The following THSD7B variants were observed in gnomAD, a reference collection of about 807,000 sequenced individuals.
THSD7B encodes the protein thrombospondin type-1 domain-containing protein 7B.
Under a neutral mutation model 213.6 loss-of-function variants are expected in THSD7B, and 138 were observed. That is an observed-to-expected ratio of 0.65 (90% CI 0.56 to 0.74). The LOEUF is 0.74. Ranked by LOEUF, THSD7B falls within the 30% of genes least tolerant of loss-of-function variation. The pLI is 0.00. For synonymous variants in THSD7B, 742 were observed against 687.0 expected, an observed-to-expected ratio of 1.08 and a Z score of -1.25; for missense variants, 1,931 against 1,991.5, an observed-to-expected ratio of 0.97 and a Z score of 0.58.
chr2:136,927,244 C>G lies in THSD7B; in HGVS notation c.139+44927C>G, dbSNP rs113116648. On this transcript the variant is annotated intron_variant, in intron 2 of 27. Coordinates refer to ENST00000409968, the MANE Select transcript of THSD7B (RefSeq NM_001316349.2). ...TTCTCTTTCTCTCCCTCCCGTTTTT[C>G]CCTTATCTCTACATAATTAACTTGT... is the stretch of plus-strand genomic sequence containing the variant. Among the ~76,000 whole-genome samples, 1,095 of 149,566 alleles carry G rather than the reference C, an allele frequency of 7.3e-3. 14 individuals are homozygous for G. Among genetic ancestry groups the G allele is most frequent in the African/African-American group, 0.025 (1,022 of 40,792 alleles).
At chr2:137,208,628 C>T (rs1350412092) in intron 7 of THSD7B, among the ~76,000 whole-genome samples, 1 of 151,988 alleles carries the variant, frequency 6.6e-6, no homozygotes, top group Non-Finnish European at 1.5e-5. Flanking sequence ...TCCTCAAAGG[C>T]TCAGAGGTAG....
chr2:137,439,177 A>AT (rs887357250), intron 14 of THSD7B, among the ~76,000 whole-genome samples: 1 of 152,094 alleles, frequency 6.6e-6, no homozygotes, highest in Non-Finnish European at 1.5e-5. Context: ...TGAAAGAATA[A>AT]TTTTTTCTTT....
intron 2 of THSD7B, among the ~76,000 whole-genome samples, chr2:136,896,970 G>A (rs1683970725): frequency 6.6e-6 from 1 of 150,942 alleles, no homozygotes; most frequent in Non-Finnish European, 1.5e-5. Flanking sequence ...TTTTAAGACA[G>A]GGTCTCACTA....
At chr2:137,318,523 C>G (rs529162531) in intron 12 of THSD7B, among the ~76,000 whole-genome samples, 3 of 152,070 alleles carry the variant, frequency 2.0e-5, no homozygotes, top group Admixed American at 6.5e-5. Context: ...TACCCTCACT[C>G]CCCCGCCCCC....
At chr2:136,985,041 G>T (rs1685647581) in intron 2 of THSD7B, among the ~76,000 whole-genome samples, 1 of 152,118 alleles carries the variant, frequency 6.6e-6, no homozygotes, top group South Asian at 2.1e-4. Context: ...GAAGTGACAT[G>T]CCCGCATCTA....
chr2:137,552,919 C>A (rs915769642), intron 15 of THSD7B, among the ~76,000 whole-genome samples: 2 of 152,140 alleles, frequency 1.3e-5, no homozygotes, highest in Non-Finnish European at 2.9e-5. Flanking sequence ...AAAGCCTGGA[C>A]ACCTATAGAA....
At chr2:137,176,172 G>A (rs1355962876) in intron 7 of THSD7B, among the ~76,000 whole-genome samples, 1 of 152,064 alleles carries the variant, frequency 6.6e-6, no homozygotes, top group African/African-American at 2.4e-5. Flanking sequence ...TTCCTTCAGT[G>A]AATCAACCTA....
chr2:137,315,169 C>T (rs1241005244), intron 12 of THSD7B, among the ~76,000 whole-genome samples: 2 of 152,200 alleles, frequency 1.3e-5, no homozygotes, highest in Non-Finnish European at 2.9e-5. Context: ...ACTCCGTGGG[C>T]GTAGGACCCT....
At chr2:137,601,518 G>A (rs943947351) in intron 17 of THSD7B, among the ~76,000 whole-genome samples, 1 of 152,156 alleles carries the variant, frequency 6.6e-6, no homozygotes, top group African/African-American at 2.4e-5. Context: ...TAGCCTAGGT[G>A]TGTACCAGGC....
At chr2:136,824,433 A>T (rs573902576) in intron 1 of THSD7B, among the ~76,000 whole-genome samples, 1 of 152,184 alleles carries the variant, frequency 6.6e-6, no homozygotes, top group African/African-American at 2.4e-5. Context: ...TAGGAAGCTC[A>T]GTTTTGGATG....
chr2:137,097,314 T>C (rs1022846179), intron 4 of THSD7B, among the ~76,000 whole-genome samples: 5 of 152,202 alleles, frequency 3.3e-5, no homozygotes, highest in African/African-American at 1.2e-4. Flanking sequence ...ACATCTATGT[T>C]TGTTAAACAA....
intron 2 of THSD7B, among the ~76,000 whole-genome samples, chr2:136,980,467 G>C (rs1020236886): frequency 1.3e-5 from 2 of 152,150 alleles, no homozygotes; most frequent in African/African-American, 4.8e-5. Context: ...CCTGCAGGGA[G>C]GCCCCACCCC....
chr2:137,554,431 T>C (rs1680910378), intron 15 of THSD7B, among the ~76,000 whole-genome samples: 1 of 152,198 alleles, frequency 6.6e-6, no homozygotes, highest in South Asian at 2.1e-4. Flanking sequence ...CAGAAGCATA[T>C]GTATGCATGG....
At chr2:137,377,382 T>C (rs1173314082) in intron 12 of THSD7B, among the ~76,000 whole-genome samples, 1 of 152,160 alleles carries the variant, frequency 6.6e-6, no homozygotes, top group Non-Finnish European at 1.5e-5. Context: ...AAATATTAAT[T>C]CCTTATTTGT....
At chr2:137,330,877 G>A (rs1684486395) in intron 12 of THSD7B, among the ~76,000 whole-genome samples, 1 of 152,182 alleles carries the variant, frequency 6.6e-6, no homozygotes, top group Admixed American at 6.5e-5. Flanking sequence ...GATTGGTAGA[G>A]CCGAGTGGTC....
intron 15 of THSD7B, among the ~76,000 whole-genome samples, chr2:137,496,312 C>A (rs1045782775): frequency 6.6e-6 from 1 of 152,198 alleles, no homozygotes; most frequent in Non-Finnish European, 1.5e-5. Flanking sequence ...CTACAGCTGG[C>A]CTTCTGATGA....
At chr2:137,414,667 C>A (rs1178188759) in intron 14 of THSD7B, among the ~76,000 whole-genome samples, 1 of 151,982 alleles carries the variant, frequency 6.6e-6, no homozygotes, top group African/African-American at 2.4e-5. Context: ...CTTCAGTGAG[C>A]CATGATTGTG....
chr2:136,863,641 T>C (rs2104974379), intron 1 of THSD7B, among the ~76,000 whole-genome samples: 1 of 152,296 alleles, frequency 6.6e-6, no homozygotes, highest in Non-Finnish European at 1.5e-5. Context: ...GAGCTGAGAA[T>C]ATTGAGAGAA....
At chr2:137,244,073 T>C (rs926072816) in intron 10 of THSD7B, among the ~76,000 whole-genome samples, 1 of 152,184 alleles carries the variant, frequency 6.6e-6, no homozygotes, top group Admixed American at 6.5e-5. Flanking sequence ...GTAATGTCGT[T>C]TCAAAGCAGG....
Sources: allele counts gnomAD v4.1 joint callset (sites outside exome capture counted in the v4.1 genomes callset), GRCh38; gene constraint gnomAD v4.1.1; transcripts MANE v1.5; gene names NCBI Gene and HGNC (gene_info 2026-07-23, HGNC 2026-07-21).